UBE4B: variants seen among roughly 807,000 people sequenced by gnomAD.
UBE4B encodes the protein ubiquitination factor E4B, also known as ubiquitin conjugation factor E4 B.
In UBE4B, 27 loss-of-function variants were observed where a neutral mutation model predicts 148.1. The observed-to-expected ratio is 0.18, with a 90% CI of 0.13 to 0.25. UBE4B has a LOEUF of 0.25. Ranked by LOEUF, UBE4B falls within the 10% of genes least tolerant of loss-of-function variation. The pLI, the probability that UBE4B is intolerant of heterozygous loss-of-function variation, is 1.00. For missense variants in UBE4B, 1,170 were observed against 1,662.4 expected (o/e 0.70, Z 5.15); for synonymous variants, 596 against 619.3 (o/e 0.96, Z 0.56).
At chr1:10,056,049 C>T (rs1028772649) in intron 1 of UBE4B, among the ~76,000 whole-genome samples, 1 of 152,132 alleles carries the variant, frequency 6.6e-6, no homozygotes, top group Non-Finnish European at 1.5e-5. Flanking sequence ...CACTTCTATC[C>T]CCTGGGATGT....
intron 1 of UBE4B, among the ~76,000 whole-genome samples, chr1:10,040,635 G>A (rs1422584772): frequency 8.3e-6 from 1 of 120,464 alleles, no homozygotes; most frequent in Non-Finnish European, 1.7e-5. Context: ...TTTTTTTTTT[G>A]AGATGGAGTT....
chr1:10,068,873 C>A (rs1190196452), intron 1 of UBE4B, among the ~76,000 whole-genome samples: 1 of 152,198 alleles, frequency 6.6e-6, no homozygotes, highest in East Asian at 1.9e-4. Flanking sequence ...GTGGGCAGCC[C>A]AGAACGCTGC....
At chr1:10,089,431 A>C (rs957040424) in intron 2 of UBE4B, among the ~76,000 whole-genome samples, 11 of 152,104 alleles carry the variant, frequency 7.2e-5, no homozygotes, top group African/African-American at 2.7e-4. Flanking sequence ...ATTTGAGCCC[A>C]AGTTCCAGGC....
At chr1:10,077,681 C>G (rs530449761) in intron 2 of UBE4B, among the ~76,000 whole-genome samples, 1 of 152,324 alleles carries the variant, frequency 6.6e-6, no homozygotes, top group African/African-American at 2.4e-5. Flanking sequence ...TGACATTGTT[C>G]CTCTCACCAC....
intron 2 of UBE4B, chr1:10,073,106 T>A (rs1295133778): frequency 1.3e-5 from 2 of 152,296 alleles, no homozygotes; most frequent in South Asian, 2.1e-4. Flanking sequence ...ATAAAGAAGA[T>A]CCTTGCCTAT....
intron 25 of UBE4B, among the ~76,000 whole-genome samples, chr1:10,173,888 C>T (rs760832653): frequency 1.3e-5 from 2 of 152,180 alleles, no homozygotes; most frequent in Non-Finnish European, 2.9e-5. Context: ...ATGCTTTGAG[C>T]GGCCTTTGTT....
intron 1 of UBE4B, among the ~76,000 whole-genome samples, chr1:10,034,922 T>A (rs1353262869): frequency 6.6e-6 from 1 of 152,196 alleles, no homozygotes; most frequent in African/African-American, 2.4e-5. Context: ...TAATCTTAAG[T>A]GAAGAGAATA....
At chr1:10,179,343 A>G in intron 26 of UBE4B, 73 bp from the exon 27 acceptor site, 4 of 1,568,154 alleles carry the variant, frequency 2.6e-6, no homozygotes, top group Non-Finnish European at 3.5e-6. Flanking sequence ...TTTCGCTGGT[A>G]GAACGGGCTT....
At chr1:10,111,191 A>G (rs748141473) in intron 7 of UBE4B, among the ~76,000 whole-genome samples, 9 of 149,776 alleles carry the variant, frequency 6.0e-5, no homozygotes, top group Non-Finnish European at 1.0e-4. Context: ...AAGGCCCTGC[A>G]TCTCACGTAC....
intron 1 of UBE4B, chr1:10,054,384 C>T (rs1644120183): frequency 9.0e-6 from 2 of 221,742 alleles, no homozygotes; most frequent in South Asian, 6.9e-5. Context: ...CACACTTCTA[C>T]TCAATGAAGA....
intron 1 of UBE4B, among the ~76,000 whole-genome samples, chr1:10,048,118 G>T (rs1331939895): frequency 6.6e-6 from 1 of 152,048 alleles, no homozygotes; most frequent in Non-Finnish European, 1.5e-5. Context: ...CAAGGCCCTG[G>T]GATTATAAGC....
chr1:10,150,883 T>C (rs1437346182), intron 20 of UBE4B, among the ~76,000 whole-genome samples: 14 of 135,076 alleles, frequency 1.0e-4, no homozygotes, highest in East Asian at 6.6e-4. Context: ...AAAAATAGGC[T>C]GGGCGCAGTG....
intron 1 of UBE4B, among the ~76,000 whole-genome samples, chr1:10,042,613 C>G (rs975954680): frequency 1.1e-4 from 17 of 152,200 alleles, no homozygotes; most frequent in Admixed American, 9.8e-4. Flanking sequence ...CACCACTGCA[C>G]TCTAGCCTGG....
At chr1:10,167,690 T>G (rs1646275002) in intron 23 of UBE4B, among the ~76,000 whole-genome samples, 1 of 150,786 alleles carries the variant, frequency 6.6e-6, no homozygotes, top group Non-Finnish European at 1.5e-5. Flanking sequence ...CCTTCTGGGT[T>G]CAAGCAGTTC....
intron 5 of UBE4B, chr1:10,103,320 AATAGGTT>A (rs1031329029): frequency 1.5e-4 from 47 of 321,842 alleles, no homozygotes; most frequent in African/African-American, 8.7e-4. Context: ...ATACTATGTA[AATAGGTT>A]AATGGTCTCC....
At chr1:10,066,496 C>T (rs1000991766) in intron 1 of UBE4B, among the ~76,000 whole-genome samples, 7 of 151,926 alleles carry the variant, frequency 4.6e-5, no homozygotes, top group Non-Finnish European at 1.0e-4. Context: ...GATGTAAATG[C>T]ATTTTTTGGA....
intron 7 of UBE4B, among the ~76,000 whole-genome samples, chr1:10,108,783 C>T (rs1273855717): frequency 6.6e-6 from 1 of 152,130 alleles, no homozygotes; most frequent in East Asian, 1.9e-4. Flanking sequence ...AAGTAAATTT[C>T]CCAAAGGTGA....
chr1:10,105,708 G>C lies in UBE4B; in HGVS notation c.773G>C (p.Cys258Ser), dbSNP rs1414831739. 6.2e-7 allele frequency: 1 copy of C among 1,614,010 alleles called. No individual in the cohort carries two copies. The highest frequency in any genetic ancestry group is 1.1e-5 in the South Asian group (1 of 91,088). Residue 258 changes from cysteine to serine, a missense_variant, in exon 6 of 28, where the codon TGC becomes TCC. Transcript: ENST00000343090. ...GSNPGTSPMF[C>S]SVASFGASSL... Reference sequence around the variant, plus strand: ...AATCCAGGAACAAGCCCCATGTTCTGCAGCGTGGCTTCCTTTGGTGCCAGC... The same window carrying C: ...AATCCAGGAACAAGCCCCATGTTCTCCAGCGTGGCTTCCTTTGGTGCCAGC...
At chr1:10,096,766 C>T (rs990390523) in intron 3 of UBE4B, among the ~76,000 whole-genome samples, 5 of 151,770 alleles carry the variant, frequency 3.3e-5, no homozygotes, top group East Asian at 1.9e-4. Context: ...AGGGGCTGGG[C>T]GTGGTGGCTC....
Sources: gnomAD v4.1 joint callset for allele counts (sites outside exome capture counted in the v4.1 genomes callset) on GRCh38, gnomAD v4.1.1 for gene constraint, MANE v1.5 for transcripts, NCBI Gene and HGNC (gene_info 2026-07-23, HGNC 2026-07-21) for gene names.